DIAPH3: variants seen among roughly 807,000 people sequenced by gnomAD.
DIAPH3 encodes diaphanous related formin 3.
A neutral mutation model predicts 144.3 loss-of-function variants in DIAPH3; 117 were observed. That is an observed-to-expected ratio of 0.81 (90% CI 0.70 to 0.95). The LOEUF is 0.95. Among genes scored for constraint, DIAPH3 ranks in the 40% least tolerant of loss-of-function variants. The probability of loss-of-function intolerance (pLI) is 0.00; values close to 1 mark genes in which losing one functional copy is unlikely to be tolerated. For synonymous variants in DIAPH3, 519 were observed against 488.9 expected, an observed-to-expected ratio of 1.06 and a Z score of -0.81; for missense variants, 1,421 against 1,412.7, an observed-to-expected ratio of 1.01 and a Z score of -0.09.
chr13:59,758,122 T>A (rs1242518315), intron 27 of DIAPH3, among the ~76,000 whole-genome samples: 1 of 152,232 alleles, frequency 6.6e-6, no homozygotes, highest in Non-Finnish European at 1.5e-5. Context: ...TTTGGAAGTA[T>A]AAACTGGTAC....
At chr13:59,955,036 G>C in intron 17 of DIAPH3, among the ~76,000 whole-genome samples, 1 of 150,480 alleles carries the variant, frequency 6.6e-6, no homozygotes, top group Non-Finnish European at 1.5e-5. Context: ...CTCAACTTTA[G>C]ATTTTCTGGT....
chr13:59,700,548 T>C (rs943919522), intron 27 of DIAPH3, among the ~76,000 whole-genome samples: 22 of 152,216 alleles, frequency 1.4e-4, no homozygotes, highest in Non-Finnish European at 3.2e-4. Flanking sequence ...TGAAAATCTC[T>C]GGTTCATGGG....
chr13:59,763,093 A>G (rs9538515), intron 27 of DIAPH3, among the ~76,000 whole-genome samples: 51,982 of 151,878 alleles, frequency 0.34, 9,377 homozygotes, highest in African/African-American at 0.44. Flanking sequence ...AGACAAAACA[A>G]TCTCCAAGAA....
intron 17 of DIAPH3, among the ~76,000 whole-genome samples, chr13:59,945,980 T>C (rs1236538774): frequency 1.3e-5 from 2 of 152,220 alleles, no homozygotes; most frequent in Admixed American, 1.3e-4. Flanking sequence ...TGAAAGCTTA[T>C]ACATTAAGTA....
At chr13:59,731,349 C>T (rs1481858065) in intron 27 of DIAPH3, among the ~76,000 whole-genome samples, 1 of 152,076 alleles carries the variant, frequency 6.6e-6, no homozygotes, top group African/African-American at 2.4e-5. Flanking sequence ...GGGGAAAAAA[C>T]TGTCGATTTT....
At chr13:60,123,413 A>G (rs1437236082) in intron 2 of DIAPH3, among the ~76,000 whole-genome samples, 1 of 152,192 alleles carries the variant, frequency 6.6e-6, no homozygotes, top group Non-Finnish European at 1.5e-5. Flanking sequence ...CCTACTACAT[A>G]TTAGTATATT....
chr13:60,093,703 CT>C lies in DIAPH3; in HGVS notation c.419del (p.Lys140ArgfsTer16). ...MEDMNLNEDK[K>X]APLREKDFSI... is the part of the protein sequence containing the mutation. ...TGAAGTCCTTTTCCCGCAATGGTGC[CT>C]TTTTATCTTCATTTAAATTCATATC... On this transcript the variant is annotated frameshift_variant, in exon 4 of 28. Coordinates refer to ENST00000400324, the MANE Select transcript of DIAPH3 (RefSeq NM_001042517.2). LOFTEE classifies it high-confidence loss of function. 2 of 1,612,502 alleles carry C rather than the reference CT, an allele frequency of 1.2e-6. No homozygotes were observed. The highest frequency in any genetic ancestry group is 2.2e-5 in the East Asian group (1 of 44,782).
At chr13:59,970,326 C>G (rs1024077809) in intron 16 of DIAPH3, among the ~76,000 whole-genome samples, 1 of 152,130 alleles carries the variant, frequency 6.6e-6, no homozygotes, top group Non-Finnish European at 1.5e-5. Context: ...CTCATAGTCT[C>G]TAATAATCTT....
At chr13:60,032,580 C>T (rs1356478600) in intron 5 of DIAPH3, among the ~76,000 whole-genome samples, 7 of 152,180 alleles carry the variant, frequency 4.6e-5, no homozygotes, top group Non-Finnish European at 4.4e-5. Context: ...AAGCTGGAGC[C>T]GGAGTGGCAG....
intron 17 of DIAPH3, among the ~76,000 whole-genome samples, chr13:59,948,806 C>T (rs938447400): frequency 1.3e-5 from 2 of 150,282 alleles, no homozygotes; most frequent in Non-Finnish European, 3.0e-5. Flanking sequence ...GTTCTTTCTA[C>T]ACCCTTTCTC....
intron 17 of DIAPH3, among the ~76,000 whole-genome samples, chr13:59,949,424 C>T (rs1413410161): frequency 6.6e-6 from 1 of 152,128 alleles, no homozygotes; most frequent in Non-Finnish European, 1.5e-5. Context: ...GTGATTGGTG[C>T]TCCTTGTTGA....
chr13:60,112,188 T>C lies in DIAPH3; in HGVS notation c.214-2A>G. The C allele has an allele frequency of 6.2e-7, 1 of 1,613,926 alleles. No individual in the cohort carries two copies. The highest frequency in any genetic ancestry group is 2.2e-5 in the East Asian group (1 of 44,860). On this transcript the variant is annotated splice_acceptor_variant, in intron 2 of 27. Transcript: ENST00000400324. LOFTEE classifies it high-confidence loss of function. ...TCTTATGCTGGCAAATTTGTCCAGC[T>C]ACAAAGAAAGACAGAATGACACACG...
At chr13:59,885,505 A>T (rs1312187049) in intron 20 of DIAPH3, among the ~76,000 whole-genome samples, 1 of 149,534 alleles carries the variant, frequency 6.7e-6, no homozygotes, top group Non-Finnish European at 1.5e-5. Flanking sequence ...ATAATTCAGT[A>T]CTTTGTTCCT....
chr13:60,097,778 G>GAAA (rs1048518068), intron 3 of DIAPH3, among the ~76,000 whole-genome samples: 1 of 102,756 alleles, frequency 9.7e-6, no homozygotes, highest in South Asian at 2.9e-4. Context: ...CTTTAAAAAA[G>GAAA]AAAAAAAAAA....
intron 2 of DIAPH3, among the ~76,000 whole-genome samples, chr13:60,114,400 A>C (rs565792122): frequency 6.6e-6 from 1 of 152,174 alleles, no homozygotes; most frequent in African/African-American, 2.4e-5. Context: ...GATCAATAGA[A>C]AGTTCCAAAC....
chr13:59,922,271 A>C (rs2047557382), intron 18 of DIAPH3, among the ~76,000 whole-genome samples: 1 of 152,070 alleles, frequency 6.6e-6, no homozygotes. Context: ...TGCAGAAAAC[A>C]ACCTTAAATA....
At chr13:59,870,828 G>A (rs1007157091) in intron 21 of DIAPH3, among the ~76,000 whole-genome samples, 5 of 151,868 alleles carry the variant, frequency 3.3e-5, no homozygotes, top group South Asian at 2.1e-4. Flanking sequence ...GTGCCACCAC[G>A]CCTGGCTAAT....
At chr13:60,066,920 T>C (rs939707352) in intron 4 of DIAPH3, among the ~76,000 whole-genome samples, 2 of 152,252 alleles carry the variant, frequency 1.3e-5, no homozygotes, top group African/African-American at 4.8e-5. Flanking sequence ...ATTACAGATC[T>C]TTCCTAAAAG....
chr13:60,005,930 G>A (rs182274879), intron 9 of DIAPH3, among the ~76,000 whole-genome samples: 1 of 152,058 alleles, frequency 6.6e-6, no homozygotes, highest in Non-Finnish European at 1.5e-5. Flanking sequence ...CTATAGAATA[G>A]TAACCTATAA....
Sources: gnomAD v4.1 joint callset for allele counts (sites outside exome capture counted in the v4.1 genomes callset) on GRCh38, gnomAD v4.1.1 for gene constraint, MANE v1.5 for transcripts, NCBI Gene and HGNC (gene_info 2026-07-23, HGNC 2026-07-21) for gene names.